Variants in DOCK4 observed in about 807,000 individuals in gnomAD.
DOCK4 encodes dedicator of cytokinesis 4.
In DOCK4, 97 loss-of-function variants were observed where a neutral mutation model predicts 268.1. The ratio of observed to expected loss-of-function variants is 0.36; its 90% CI spans 0.31 to 0.43. The LOEUF (loss-of-function observed/expected upper bound fraction) is 0.43, where lower values mean the gene tolerates loss of function less well. DOCK4 is among the 20% of genes least tolerant of loss of function. The probability of loss-of-function intolerance (pLI) is 1.00; values close to 1 mark genes in which losing one functional copy is unlikely to be tolerated. For missense variants in DOCK4, 2,145 were observed against 2,455.7 expected (o/e 0.87, Z 2.67); for synonymous variants, 954 against 887.2 (o/e 1.08, Z -1.34).
chr7:111,782,717 T>C (rs1798864207), intron 35 of DOCK4, 147 bp downstream of exon 35: 1 of 832,912 alleles, frequency 1.2e-6, no homozygotes, highest in South Asian at 1.7e-5. Context: ...CAGCTCACTA[T>C]GCTTCTCTTA....
intron 26 of DOCK4, among the ~76,000 whole-genome samples, chr7:111,831,187 C>T (rs1034999224): frequency 1.3e-5 from 2 of 152,138 alleles, no homozygotes; most frequent in Non-Finnish European, 1.5e-5. Flanking sequence ...GCTCCCAAAC[C>T]TGAATACCTA....
rs144432154 is a variant in DOCK4 at position 111,876,759 on chromosome 7, T to C, written c.1744+271A>G. 1.6e-4 allele frequency among the ~76,000 whole-genome samples: 25 copies of C among 151,940 alleles called. No homozygotes were observed. In the East Asian group the frequency reaches 4.8e-3, roughly 29 times the overall value. ...GTGTTGGTATTTTCGTTTTTTTTTTTTTTTTCAAAGCATCTGGGTTTTGAT... is the reference window on the plus strand; with the variant it reads ...GTGTTGGTATTTTCGTTTTTTTTTTCTTTTTCAAAGCATCTGGGTTTTGAT... On this transcript the variant is annotated intron_variant, in intron 17 of 52. Coordinates refer to ENST00000428084, the MANE Select transcript of DOCK4 (RefSeq NM_001363540.2).
rs1439390913 is a variant in DOCK4 at position 111,915,871 on chromosome 7, T to C, written c.1100A>G (p.Asp367Gly). The change falls in exon 13 of 53, where the codon GAC becomes GGC. Residue 367 changes from aspartate to glycine, a missense_variant. Transcript: ENST00000428084. ...LAVSLQLLHG[D>G]IEQIRREYSS... ...ATATTCCCTTCTGATTTGTTCAATG[T>C]CTCCGTGCAATAGCTGTAAGGAAAC... 2 of 1,612,458 alleles carry C rather than the reference T, an allele frequency of 1.2e-6. No individual in the cohort carries two copies. Among genetic ancestry groups the C allele is most frequent in the Non-Finnish European group, 1.7e-6 (2 of 1,179,262 alleles).
At position 112,001,558 on chromosome 7, in the gene DOCK4, G is replaced by A. The variant is rs955869878; in HGVS notation, c.122-1024C>T. Among the ~76,000 whole-genome samples the A allele has an allele frequency of 2.0e-5, 3 of 151,960 alleles. 1 individual carries two copies. In the East Asian group the frequency reaches 5.8e-4, roughly 29 times the overall value. Reference sequence around the variant, plus strand: ...ATGTTGGCAACTGGGAAGTGCCAAAGAGAAGCCATAAAGTGCTTTAAGTGA... The same window carrying A: ...ATGTTGGCAACTGGGAAGTGCCAAAAAGAAGCCATAAAGTGCTTTAAGTGA... On this transcript the variant is annotated intron_variant, in intron 2 of 52. Transcript: ENST00000428084.
intron 30 of DOCK4, among the ~76,000 whole-genome samples, chr7:111,800,990 T>C (rs1208392709): frequency 6.6e-6 from 1 of 152,184 alleles, no homozygotes; most frequent in Non-Finnish European, 1.5e-5. Flanking sequence ...GCCCGAAACA[T>C]TTCTTCTCTA....
chr7:112,003,985 G>T, intron 2 of DOCK4, 63 bp downstream of exon 2: 1 of 1,301,978 alleles, frequency 7.7e-7, no homozygotes, highest in South Asian at 1.4e-5. Flanking sequence ...TAGCGGTATG[G>T]ACAGAATTTG....
At chr7:111,934,523 G>GTTTTTGTTTTTT (rs1562907282) in intron 12 of DOCK4, among the ~76,000 whole-genome samples, 13 of 83,828 alleles carry the variant, frequency 1.6e-4, no homozygotes, top group African/African-American at 5.2e-4. Flanking sequence ...TTTTGTTTTT[G>GTTTTTGTTTTTT]TTTTTTTTTT....
At chr7:111,962,610 C>T (rs186075737) in intron 8 of DOCK4, among the ~76,000 whole-genome samples, 6 of 152,166 alleles carry the variant, frequency 3.9e-5, no homozygotes, top group Admixed American at 2.0e-4. Flanking sequence ...AGATGTATTT[C>T]GGAATTCAGT....
intron 30 of DOCK4, chr7:111,808,072 A>T (rs1800812524): frequency 6.6e-6 from 1 of 152,174 alleles, no homozygotes; most frequent in Non-Finnish European, 1.5e-5. Context: ...TACGTATTCA[A>T]CTCAAATAGG....
intron 16 of DOCK4, among the ~76,000 whole-genome samples, chr7:111,884,468 A>C (rs921013961): frequency 6.6e-6 from 1 of 152,236 alleles, no homozygotes; most frequent in Non-Finnish European, 1.5e-5. Flanking sequence ...TTTGAATTCA[A>C]GTAATTAATT....
At chr7:112,125,275 A>G (rs2115979786) in intron 1 of DOCK4, among the ~76,000 whole-genome samples, 1 of 152,294 alleles carries the variant, frequency 6.6e-6, no homozygotes, top group East Asian at 1.9e-4. Flanking sequence ...AACCCTCTCT[A>G]TCATGTCATT....
chr7:111,751,581 A>G (rs1408714030), intron 42 of DOCK4, among the ~76,000 whole-genome samples: 1 of 151,994 alleles, frequency 6.6e-6, no homozygotes, highest in African/African-American at 2.4e-5. Context: ...AGAAGCTGGG[A>G]TTACAGGCGT....
intron 8 of DOCK4, among the ~76,000 whole-genome samples, chr7:111,975,844 G>A (rs1798116675): frequency 6.6e-6 from 1 of 151,898 alleles, no homozygotes. Flanking sequence ...TACCAGAAAA[G>A]AATTACTCCA....
intron 16 of DOCK4, among the ~76,000 whole-genome samples, chr7:111,894,093 G>T (rs1047121230): frequency 1.3e-5 from 2 of 152,060 alleles, no homozygotes; most frequent in Non-Finnish European, 2.9e-5. Flanking sequence ...ATGGTGGCGG[G>T]TGCCTGGTGT....
chr7:112,143,597 C>A lies in DOCK4; in HGVS notation c.37+62505G>T, dbSNP rs73715481. On this transcript the variant is annotated intron_variant, in intron 1 of 52. Transcript: ENST00000428084. ...TGGGGGCACATCTAAAAGTTCGCGG[C>A]TCTCCAACTATAAGGAATGGGAGGG... Among the ~76,000 whole-genome samples, 406 of 152,318 alleles carry A rather than the reference C, an allele frequency of 2.7e-3. 1 individual carries two copies. The highest frequency in any genetic ancestry group is 9.0e-3 in the African/African-American group (375 of 41,572).
intron 1 of DOCK4, among the ~76,000 whole-genome samples, chr7:112,078,652 C>A (rs1808300882): frequency 6.6e-6 from 1 of 152,122 alleles, no homozygotes; most frequent in Non-Finnish European, 1.5e-5. Flanking sequence ...ACAATATAGA[C>A]ATGCTGATGT....
At chr7:111,993,023 G>A (rs991426654) in intron 5 of DOCK4, among the ~76,000 whole-genome samples, 2 of 152,114 alleles carry the variant, frequency 1.3e-5, no homozygotes, top group East Asian at 1.9e-4. Context: ...CCTATGCTCC[G>A]CCAATTCACC....
chr7:111,824,926 T>C (rs1276391419), intron 26 of DOCK4, among the ~76,000 whole-genome samples: 2 of 152,222 alleles, frequency 1.3e-5, no homozygotes, highest in Admixed American at 6.5e-5. Context: ...TCAAGCTTCA[T>C]TGACATTTAT....
intron 1 of DOCK4, among the ~76,000 whole-genome samples, chr7:112,035,002 G>A (rs1586688626): frequency 6.6e-6 from 1 of 152,242 alleles, no homozygotes; most frequent in South Asian, 2.1e-4. Context: ...TCATGATGTG[G>A]GACTTTGCAT....
Sources: allele counts gnomAD v4.1 joint callset (sites outside exome capture counted in the v4.1 genomes callset), GRCh38; gene constraint gnomAD v4.1.1; transcripts MANE v1.5; gene names NCBI Gene and HGNC (gene_info 2026-07-23, HGNC 2026-07-21).